The following EPC2 variants were observed in gnomAD, a reference collection of about 807,000 sequenced individuals.
The protein encoded by EPC2 is enhancer of polycomb 2.
EPC2 carries 14 observed loss-of-function variants against 92.1 expected under a neutral mutation model. The observed-to-expected ratio is 0.15, with a 90% CI of 0.10 to 0.24. EPC2 has a LOEUF of 0.24. EPC2 is among the 10% of genes least tolerant of loss of function. The pLI is 1.00. For synonymous variants in EPC2, 340 were observed against 334.7 expected, an observed-to-expected ratio of 1.02 and a Z score of -0.17; for missense variants, 755 against 971.5, an observed-to-expected ratio of 0.78 and a Z score of 2.96.
chr2:148,709,308 A>G lies in EPC2; in HGVS notation c.313+18935A>G, dbSNP rs540926101. On this transcript the variant is annotated intron_variant, in intron 2 of 13. Transcript: ENST00000258484. ...ACAAGGGATGTGAAGGACCTCTTCAAGGAGAACTACAAACCACTGCTCAAC... is the reference window on the plus strand; with the variant it reads ...ACAAGGGATGTGAAGGACCTCTTCAGGGAGAACTACAAACCACTGCTCAAC... Among the ~76,000 whole-genome samples, 15 of 152,344 alleles carry G rather than the reference A, an allele frequency of 9.8e-5. No homozygotes were observed. In the South Asian group the frequency reaches 2.9e-3, roughly 29 times the overall value.
chr2:148,747,526 T>C (rs1683008343), intron 3 of EPC2, among the ~76,000 whole-genome samples: 1 of 152,096 alleles, frequency 6.6e-6, no homozygotes, highest in Admixed American at 6.6e-5. Flanking sequence ...CTTCTTTCTT[T>C]GTCATAGTTA....
At chr2:148,745,713 A>G (rs961073170) in intron 3 of EPC2, among the ~76,000 whole-genome samples, 2 of 152,124 alleles carry the variant, frequency 1.3e-5, no homozygotes, top group African/African-American at 4.8e-5. Flanking sequence ...ACAAAGGGCT[A>G]TCTTCATTCC....
Position 148,756,758 on chromosome 2 carries a change from G to A in EPC2, c.666+2625G>A, listed in dbSNP as rs191227481. On this transcript the variant is annotated intron_variant, in intron 4 of 13. Coordinates refer to ENST00000258484, the MANE Select transcript of EPC2 (RefSeq NM_015630.4). ...TCTCTTCCCTCTGTGAGGCCCAGAA[G>A]AAGTAAGATAGTTAAGAGAGGAAAT... Among the ~76,000 whole-genome samples the A allele has an allele frequency of 5.9e-5, 9 of 152,324 alleles. 1 individual carries two copies. The East Asian group carries it at 1.7e-3, about 29-fold the overall frequency.
intron 2 of EPC2, among the ~76,000 whole-genome samples, chr2:148,698,660 C>T (rs1341853815): frequency 1.7e-5 from 2 of 115,398 alleles, no homozygotes; most frequent in African/African-American, 3.0e-5. Flanking sequence ...AAAAAAAAAT[C>T]TCCTGTTTCT....
At chr2:148,676,141 A>T (rs1303406536) in intron 1 of EPC2, among the ~76,000 whole-genome samples, 8 of 146,516 alleles carry the variant, frequency 5.5e-5, no homozygotes, top group South Asian at 2.2e-4. Context: ...TTTTTTTTTT[A>T]AAGTCTGCTT....
intron 2 of EPC2, among the ~76,000 whole-genome samples, chr2:148,732,744 C>T (rs1682662360): frequency 6.6e-6 from 1 of 151,944 alleles, no homozygotes; most frequent in South Asian, 2.1e-4. Context: ...CTTATGTGGT[C>T]ATCTAAAATA....
intron 4 of EPC2, among the ~76,000 whole-genome samples, chr2:148,758,691 C>G (rs986116244): frequency 6.6e-6 from 1 of 152,076 alleles, no homozygotes; most frequent in African/African-American, 2.4e-5. Context: ...CTACTGTGCC[C>G]GGCCTAACAT....
chr2:148,756,226 C>T (rs1229519725), intron 4 of EPC2, among the ~76,000 whole-genome samples: 4 of 152,154 alleles, frequency 2.6e-5, no homozygotes, highest in Admixed American at 6.5e-5. Flanking sequence ...TTTCCATTTT[C>T]CTCTGCAAAG....
intron 2 of EPC2, among the ~76,000 whole-genome samples, chr2:148,706,916 G>A (rs1313344661): frequency 3.3e-5 from 5 of 152,110 alleles, no homozygotes; most frequent in African/African-American, 4.8e-5. Context: ...AAAGACCATC[G>A]ATGCTAGGAA....
At chr2:148,691,891 A>G in intron 2 of EPC2, 1 of 545,432 alleles carries the variant, frequency 1.8e-6, no homozygotes, top group Middle Eastern at 4.5e-4. Flanking sequence ...ATTCAGTAGC[A>G]TTCTATACTA....
Position 148,678,734 on chromosome 2 carries a change from C to T in EPC2, c.154-11480C>T, listed in dbSNP as rs575942223. On this transcript the variant is annotated intron_variant, in intron 1 of 13. Coordinates refer to ENST00000258484, the MANE Select transcript of EPC2 (RefSeq NM_015630.4). ...CCTGGAACTCCAGCTGGCCCGCAAG[C>T]GCTGCATGCAGCCCTGGTGCCCACT... Among the ~76,000 whole-genome samples, 381 of 152,356 alleles carry T rather than the reference C, an allele frequency of 2.5e-3. 2 individuals carry two copies. Among genetic ancestry groups the T allele is most frequent in the Non-Finnish European group, 8.7e-4 (59 of 68,028 alleles).
chr2:148,666,961 T>A (rs555495232), intron 1 of EPC2, among the ~76,000 whole-genome samples: 5 of 152,206 alleles, frequency 3.3e-5, no homozygotes, highest in African/African-American at 7.2e-5. Flanking sequence ...AGCACTCTTA[T>A]AAGTCTAAAC....
chr2:148,681,054 T>C (rs1364458020), intron 1 of EPC2, among the ~76,000 whole-genome samples: 2 of 152,200 alleles, frequency 1.3e-5, no homozygotes, highest in Non-Finnish European at 2.9e-5. Context: ...CCTTTTTCTT[T>C]AGTATGATGT....
intron 11 of EPC2, 57 bp from the exon 12 acceptor site, chr2:148,783,540 A>C (rs1683798086): frequency 6.6e-7 from 1 of 1,522,384 alleles, no homozygotes; most frequent in Admixed American, 2.0e-5. Context: ...CCATCCCTTA[A>C]TATGTTCATA....
At chr2:148,752,733 A>G (rs75077459) in intron 3 of EPC2, among the ~76,000 whole-genome samples, 6,231 of 152,262 alleles carry the variant, frequency 0.041, 165 homozygotes, top group Non-Finnish European at 0.058. Context: ...TTCTAGAAAT[A>G]ATCATCATAG....
Position 148,769,610 on chromosome 2 carries a change from T to C in EPC2, c.1230+370T>C, listed in dbSNP as rs530880323. ...AGGTGTTTATTGAAATTTATTGTTA[T>C]GCAAGCCCATCTTGTGCATACATAC... On this transcript the variant is annotated intron_variant, in intron 8 of 13. Coordinates refer to ENST00000258484, the MANE Select transcript of EPC2 (RefSeq NM_015630.4). Among the ~76,000 whole-genome samples the C allele has an allele frequency of 2.7e-4, 41 of 152,314 alleles. No homozygotes were observed. In the South Asian group the frequency reaches 2.7e-3, roughly 10 times the overall value.
intron 2 of EPC2, among the ~76,000 whole-genome samples, chr2:148,737,843 A>C (rs1223004273): frequency 6.6e-6 from 1 of 152,024 alleles, no homozygotes; most frequent in Non-Finnish European, 1.5e-5. Context: ...AAATCTCATA[A>C]TGTTTTAAGA....
intron 4 of EPC2, among the ~76,000 whole-genome samples, chr2:148,759,175 C>G (rs981930246): frequency 1.3e-5 from 2 of 152,202 alleles, no homozygotes; most frequent in African/African-American, 4.8e-5. Flanking sequence ...TTACTGCAAC[C>G]TCTACCTCCT....
At chr2:148,677,521 T>C (rs555200115) in intron 1 of EPC2, among the ~76,000 whole-genome samples, 1 of 152,296 alleles carries the variant, frequency 6.6e-6, no homozygotes, top group East Asian at 1.9e-4. Flanking sequence ...TAAAAAATTT[T>C]AAAAATTATC....
Sources: allele counts gnomAD v4.1 joint callset (sites outside exome capture counted in the v4.1 genomes callset), GRCh38; gene constraint gnomAD v4.1.1; transcripts MANE v1.5; gene names NCBI Gene and HGNC (gene_info 2026-07-23, HGNC 2026-07-21).